The following YAP1 variants were observed in gnomAD, a reference collection of about 807,000 sequenced individuals.
YAP1 encodes transcriptional coactivator YAP1.
Under a neutral mutation model 56.9 loss-of-function variants are expected in YAP1, and 5 were observed. That is an observed-to-expected ratio of 0.09 (90% CI 0.05 to 0.18). The LOEUF is 0.18. Ranked by LOEUF, YAP1 falls within the 10% of genes least tolerant of loss-of-function variation. The probability of loss-of-function intolerance (pLI) is 1.00; values close to 1 mark genes in which losing one functional copy is unlikely to be tolerated. For missense variants in YAP1, 539 were observed against 651.8 expected, an observed-to-expected ratio of 0.83 and a Z score of 1.88; for synonymous variants, 265 against 248.1, an observed-to-expected ratio of 1.07 and a Z score of -0.64.
intron 2 of YAP1, among the ~76,000 whole-genome samples, chr11:102,137,981 G>A (rs1323804638): frequency 6.6e-6 from 1 of 151,972 alleles, no homozygotes; most frequent in African/African-American, 2.4e-5. Context: ...TCCGCCTCCC[G>A]AGTTCAAGCA....
At chr11:102,171,333 A>C (rs1946887767) in intron 3 of YAP1, among the ~76,000 whole-genome samples, 1 of 152,246 alleles carries the variant, frequency 6.6e-6, no homozygotes, top group Admixed American at 6.5e-5. Flanking sequence ...CTAATTCTTT[A>C]AAAATGATAT....
intron 2 of YAP1, among the ~76,000 whole-genome samples, chr11:102,155,139 A>C (rs758592170): frequency 6.6e-5 from 10 of 152,178 alleles, no homozygotes; most frequent in Non-Finnish European, 1.2e-4. Context: ...ATGCCTTTCT[A>C]CCACTGTCCT....
At chr11:102,142,464 T>G (rs1945077572) in intron 2 of YAP1, among the ~76,000 whole-genome samples, 1 of 152,210 alleles carries the variant, frequency 6.6e-6, no homozygotes, top group Non-Finnish European at 1.5e-5. Flanking sequence ...GATTTGTACT[T>G]TTCTCTTAGC....
At chr11:102,162,394 G>A in intron 2 of YAP1, 62 bp from the exon 3 acceptor site, 1 of 1,432,110 alleles carries the variant, frequency 7.0e-7, no homozygotes, top group Admixed American at 1.7e-5. Flanking sequence ...GAGCCCACAA[G>A]ATAAGAATTG....
rs569033219 is a variant in YAP1, at chr11:102,227,424, T to G, written c.1164-45T>G. ...GTGTTTATTTTTACCTTGAATTGAT[T>G]TTTAAAATTTTTTGTGTTGGTCTTT... On this transcript the variant is annotated intron_variant, in intron 7 of 8. Transcript: ENST00000282441. 5 of 1,400,988 alleles carry G rather than the reference T, an allele frequency of 3.6e-6. No homozygotes were observed. The African/African-American group carries it at 4.3e-5, about 12-fold the overall frequency. 86.8% of individuals were successfully genotyped at this position (1,400,988 alleles called of 1,614,324 possible). A position where few individuals can be genotyped will look rare whatever the true frequency, so the allele number is the denominator to read the frequency against.
rs116685206 is a variant in YAP1, at chr11:102,130,960, A to G, written c.572+16566A>G. 1.9e-3 allele frequency among the ~76,000 whole-genome samples: 289 copies of G among 152,110 alleles called. 2 individuals are homozygous for G. The highest frequency in any genetic ancestry group is 6.6e-3 in the African/African-American group (273 of 41,492). On this transcript the variant is annotated intron_variant, in intron 2 of 8. Coordinates refer to ENST00000282441, the MANE Select transcript of YAP1 (RefSeq NM_001130145.3). Reference sequence around the variant, plus strand: ...AGAAAATAGTCACTGTTTCTTTGCAATGATATGTAAGTGTCATTGTCCTCT... The same window carrying G: ...AGAAAATAGTCACTGTTTCTTTGCAGTGATATGTAAGTGTCATTGTCCTCT...
At position 102,205,801 on chromosome 11, in the gene YAP1, A is replaced by C. The variant is rs111593482; in HGVS notation, c.803-92A>C. On this transcript the variant is annotated intron_variant, in intron 4 of 8. Transcript: ENST00000282441. ...CTTCCTGCCCAAAAAAGTTACATCGAATATCCCAAATTGCTTTTGAATAAT... is the reference window on the plus strand; with the variant it reads ...CTTCCTGCCCAAAAAAGTTACATCGCATATCCCAAATTGCTTTTGAATAAT... 2.8e-4 allele frequency: 369 copies of C among 1,304,484 alleles called. 2 individuals carry two copies. The African/African-American group carries it at 5.0e-3, about 18-fold the overall frequency. 80.8% of individuals were successfully genotyped at this position (1,304,484 alleles called of 1,614,324 possible). A position where few individuals can be genotyped will look rare whatever the true frequency, so the allele number is the denominator to read the frequency against.
At chr11:102,134,799 C>T (rs1479240019) in intron 2 of YAP1, among the ~76,000 whole-genome samples, 1 of 152,140 alleles carries the variant, frequency 6.6e-6, no homozygotes, top group Non-Finnish European at 1.5e-5. Flanking sequence ...GCCTTGACCT[C>T]CTGGGCTGAA....
At chr11:102,145,377 C>G (rs1240417389) in intron 2 of YAP1, among the ~76,000 whole-genome samples, 1 of 152,244 alleles carries the variant, frequency 6.6e-6, no homozygotes, top group African/African-American at 2.4e-5. Context: ...TTAAAGAGTT[C>G]ATGAAGGAAT....
At chr11:102,145,713 A>C (rs920343072) in intron 2 of YAP1, among the ~76,000 whole-genome samples, 1 of 152,220 alleles carries the variant, frequency 6.6e-6, no homozygotes, top group African/African-American at 2.4e-5. Flanking sequence ...ACTGTTCAAA[A>C]TCAGAACATA....
chr11:102,178,645 G>A (rs556450505), intron 3 of YAP1, among the ~76,000 whole-genome samples: 25 of 152,222 alleles, frequency 1.6e-4, no homozygotes, highest in African/African-American at 3.4e-4. Flanking sequence ...ATAAAAACTC[G>A]CTTCCCTCAA....
At chr11:102,156,822 A>G (rs1281841701) in intron 2 of YAP1, among the ~76,000 whole-genome samples, 1 of 152,212 alleles carries the variant, frequency 6.6e-6, no homozygotes, top group African/African-American at 2.4e-5. Context: ...CATTATTCTC[A>G]TGGCTGGTCC....
At chr11:102,214,570 A>C (rs1324671328) in intron 6 of YAP1, among the ~76,000 whole-genome samples, 1 of 152,196 alleles carries the variant, frequency 6.6e-6, no homozygotes, top group Non-Finnish European at 1.5e-5. Flanking sequence ...GCTGTTTCAA[A>C]ATCCTGTTAA....
chr11:102,175,229 G>A (rs762476634), intron 3 of YAP1, among the ~76,000 whole-genome samples: 6 of 151,928 alleles, frequency 3.9e-5, no homozygotes, highest in African/African-American at 9.7e-5. Flanking sequence ...GTGAAACCCC[G>A]TCTCTACTAA....
chr11:102,197,386 G>C (rs1948626178), intron 4 of YAP1, among the ~76,000 whole-genome samples: 2 of 152,208 alleles, frequency 1.3e-5, no homozygotes, highest in Non-Finnish European at 2.9e-5. Flanking sequence ...CAAAGTTTAT[G>C]ACTAACAGAT....
chr11:102,227,368 C>T (rs1156301954), intron 7 of YAP1, 101 bp from the exon 8 acceptor site: 1 of 794,192 alleles, frequency 1.3e-6, no homozygotes, highest in Non-Finnish European at 2.1e-6. Flanking sequence ...TTTCACTAAT[C>T]CTCTTTGAGA....
At chr11:102,134,325 T>A (rs1235708147) in intron 2 of YAP1, among the ~76,000 whole-genome samples, 1 of 152,156 alleles carries the variant, frequency 6.6e-6, no homozygotes, top group African/African-American at 2.4e-5. Flanking sequence ...TTTAGAAATA[T>A]CAGGATGCTA....
chr11:102,199,130 G>A (rs947392092), intron 4 of YAP1, among the ~76,000 whole-genome samples: 20 of 152,178 alleles, frequency 1.3e-4, no homozygotes, highest in African/African-American at 4.3e-4. Flanking sequence ...GCAGAAGAGA[G>A]AGGACTAAGG....
At chr11:102,144,867 CACACACACACAT>C (rs879538412) in intron 2 of YAP1, among the ~76,000 whole-genome samples, 2,636 of 104,588 alleles carry the variant, frequency 0.025, 28 homozygotes, top group Non-Finnish European at 0.045. Context: ...CACACACACA[CACACACACACAT>C]ACACACACTC....
Sources: gnomAD v4.1 joint callset for allele counts (sites outside exome capture counted in the v4.1 genomes callset) on GRCh38, gnomAD v4.1.1 for gene constraint, MANE v1.5 for transcripts, NCBI Gene and HGNC (gene_info 2026-07-23, HGNC 2026-07-21) for gene names.